Variants in SMCO4 observed in about 807,000 individuals in gnomAD.
SMCO4 encodes the protein single-pass membrane protein with coiled-coil domains 4.
Under a neutral mutation model 3.6 loss-of-function variants are expected in SMCO4, and 4 were observed. The observed-to-expected ratio is 1.11, with a 90% CI of 0.54 to 2.53. The LOEUF (loss-of-function observed/expected upper bound fraction) is 2.53, where lower values mean the gene tolerates loss of function less well. Among genes scored for constraint, SMCO4 ranks in the 30% most tolerant of loss-of-function variants. The pLI, the probability that SMCO4 is intolerant of heterozygous loss-of-function variation, is 0.02. For missense variants in SMCO4, 70 were observed against 80.8 expected, an observed-to-expected ratio of 0.87 and a Z score of 0.51; for synonymous variants, 36 against 35.3, an observed-to-expected ratio of 1.02 and a Z score of -0.07.
At chr11:93,547,600 T>C (rs1949323572), upstream of SMCO4, among the ~76,000 whole-genome samples, 1 of 152,220 alleles carries the variant, frequency 6.6e-6, no homozygotes, top group Non-Finnish European at 1.5e-5. Flanking sequence ...TGCCCACTAC[T>C]ATACCTTCAA....
intron 1 of SMCO4, among the ~76,000 whole-genome samples, chr11:93,508,358 G>T (rs1348983701): frequency 6.6e-6 from 1 of 152,168 alleles, no homozygotes; most frequent in Admixed American, 6.5e-5. Context: ...CAGCATAAAA[G>T]TGCCTCTGCT....
chr11:93,479,277 G>A lies in SMCO4; in HGVS notation c.-80-8C>T. On this transcript the variant is annotated splice_region_variant and splice_polypyrimidine_tract_variant and intron_variant, in intron 2 of 2. Coordinates refer to ENST00000298966, the MANE Select transcript of SMCO4 (RefSeq NM_020179.3). ...TGCCAAGGCTGGAACCTCCTGTAGA[G>A]AGAACAACTGTGATAGTAGAGAATA... is the stretch of plus-strand genomic sequence containing the variant. 1 of 1,516,694 alleles carries A rather than the reference G, an allele frequency of 6.6e-7. No homozygotes were observed. Among genetic ancestry groups the A allele is most frequent in the Non-Finnish European group, 8.8e-7 (1 of 1,133,454 alleles). The allele number at this position is 1,516,694 out of a possible 1,614,324, so 94.0% of individuals were successfully genotyped here. A position where few individuals can be genotyped will look rare whatever the true frequency, so the allele number is the denominator to read the frequency against.
intron 1 of SMCO4, among the ~76,000 whole-genome samples, chr11:93,536,653 C>T (rs1163650987): frequency 6.6e-6 from 1 of 152,122 alleles, no homozygotes; most frequent in Non-Finnish European, 1.5e-5. Context: ...TCTCTGAGGA[C>T]CTGGAGGAGC....
chr11:93,514,456 T>C (rs1327844642), intron 1 of SMCO4, among the ~76,000 whole-genome samples: 2 of 145,392 alleles, frequency 1.4e-5, no homozygotes, highest in Admixed American at 1.4e-4. Flanking sequence ...ACCCTAAGTG[T>C]GTAATTCCTG....
intron 1 of SMCO4, among the ~76,000 whole-genome samples, chr11:93,533,925 G>A (rs1033417744): frequency 1.7e-4 from 26 of 152,122 alleles, no homozygotes; most frequent in Non-Finnish European, 3.4e-4. Context: ...GGTAGCTCAC[G>A]CCTGTAATCC....
At chr11:93,548,472 T>G in the SMCO4 span, among the ~76,000 whole-genome samples, 2 of 152,204 alleles carry the variant, frequency 1.3e-5, no homozygotes, top group South Asian at 4.1e-4. Flanking sequence ...GTTGTTTTGT[T>G]GTTTCTCATG....
chr11:93,479,883 G>A (rs1223622961), intron 2 of SMCO4, among the ~76,000 whole-genome samples: 7 of 152,124 alleles, frequency 4.6e-5, no homozygotes, highest in Admixed American at 4.6e-4. Context: ...ACTCAGTTGT[G>A]TCCCCACAGA....
At chr11:93,536,797 A>C (rs1949229889) in intron 1 of SMCO4, among the ~76,000 whole-genome samples, 1 of 152,142 alleles carries the variant, frequency 6.6e-6, no homozygotes, top group Admixed American at 6.5e-5. Context: ...GAAAAAAAGC[A>C]CCTAAACTGA....
chr11:93,531,691 T>C (rs1207181810), intron 1 of SMCO4, among the ~76,000 whole-genome samples: 3 of 152,226 alleles, frequency 2.0e-5, no homozygotes, highest in African/African-American at 7.2e-5. Context: ...GTAAATTTTA[T>C]GGGGTTTTTT....
chr11:93,504,603 A>G (rs1948881123), intron 1 of SMCO4, among the ~76,000 whole-genome samples: 1 of 152,176 alleles, frequency 6.6e-6, no homozygotes, highest in African/African-American at 2.4e-5. Flanking sequence ...TCTTCTTACA[A>G]AAGTCCTGAC....
At chr11:93,487,335 T>C (rs1420567704) in intron 2 of SMCO4, among the ~76,000 whole-genome samples, 3 of 152,094 alleles carry the variant, frequency 2.0e-5, no homozygotes, top group African/African-American at 7.2e-5. Context: ...CAGGAACATA[T>C]ACATGAACAA....
At chr11:93,498,778 G>A (rs113949000) in intron 2 of SMCO4, among the ~76,000 whole-genome samples, 12 of 152,222 alleles carry the variant, frequency 7.9e-5, no homozygotes, top group African/African-American at 2.4e-4. Context: ...GTACAATGTG[G>A]GTCCACACAG....
chr11:93,526,489 T>G (rs1203414444), intron 1 of SMCO4, among the ~76,000 whole-genome samples: 1 of 152,120 alleles, frequency 6.6e-6, no homozygotes, highest in Admixed American at 6.5e-5. Context: ...CATTCAGCAC[T>G]AGGCAGTACA....
Position 93,479,190 on chromosome 11 carries a change from CT to C in SMCO4, c.-2del, listed in dbSNP as rs773804914. 1.2e-6 allele frequency: 2 copies of C among 1,613,596 alleles called. No homozygotes were observed. Among genetic ancestry groups the C allele is most frequent in the African/African-American group, 2.7e-5 (2 of 75,052 alleles). ...TGGGCTTCCCTTTGAGCTGCCGCATCTTTCCTAGAGGATGCTAGGAGGGTGT... is the reference window on the plus strand; with the variant it reads ...TGGGCTTCCCTTTGAGCTGCCGCATCTTCCTAGAGGATGCTAGGAGGGTGT... On this transcript the variant is annotated 5_prime_UTR_variant, in exon 3 of 3. Transcript: ENST00000298966.
intron 2 of SMCO4, chr11:93,481,358 A>G: frequency 1.1e-6 from 1 of 884,134 alleles, no homozygotes; most frequent in Non-Finnish European, 1.4e-6. Context: ...ATCTCCACCC[A>G]TACCCGTGGG....
At chr11:93,491,811 T>G (rs1270301758) in intron 2 of SMCO4, among the ~76,000 whole-genome samples, 1 of 152,216 alleles carries the variant, frequency 6.6e-6, no homozygotes, top group Non-Finnish European at 1.5e-5. Flanking sequence ...AAACACAACT[T>G]CGCCAGAACT....
At chr11:93,514,413 T>TATATATATATATAA (rs781423008) in intron 1 of SMCO4, among the ~76,000 whole-genome samples, 1 of 33,950 alleles carries the variant, frequency 2.9e-5, no homozygotes, top group Non-Finnish European at 7.1e-5. Flanking sequence ...TATATATATA[T>TATATATATATATAA]ATATATATAA....
At chr11:93,551,332 C>T in the SMCO4 span, among the ~76,000 whole-genome samples, 1 of 152,078 alleles carries the variant, frequency 6.6e-6, no homozygotes. Flanking sequence ...CAGGTATTGG[C>T]CCAGTGAGGA....
the SMCO4 span, among the ~76,000 whole-genome samples, chr11:93,548,497 C>G: frequency 6.6e-6 from 1 of 152,154 alleles, no homozygotes; most frequent in Non-Finnish European, 1.5e-5. Context: ...AATCATGTAG[C>G]CTGTTTCCTT....
Sources: gnomAD v4.1 joint callset for allele counts (sites outside exome capture counted in the v4.1 genomes callset) on GRCh38, gnomAD v4.1.1 for gene constraint, MANE v1.5 for transcripts, NCBI Gene and HGNC (gene_info 2026-07-23, HGNC 2026-07-21) for gene names.